Variants in KCNMB4 observed in about 807,000 individuals in gnomAD.
The protein encoded by KCNMB4 is calcium-activated potassium channel subunit beta-4.
KCNMB4 carries 3 observed loss-of-function variants against 20.7 expected under a neutral mutation model. The observed-to-expected ratio is 0.14, with a 90% confidence interval of 0.07 to 0.37. KCNMB4 has a LOEUF of 0.37. KCNMB4 is among the 10% of genes least tolerant of loss of function. The pLI, the probability that KCNMB4 is intolerant of heterozygous loss-of-function variation, is 1.00. For synonymous variants in KCNMB4, 110 were observed against 113.4 expected (o/e 0.97, Z 0.19); for missense variants, 168 against 265.9 (o/e 0.63, Z 2.56).
intron 2 of KCNMB4, among the ~76,000 whole-genome samples, chr12:70,414,161 G>A (rs1868856983): frequency 6.6e-6 from 1 of 152,104 alleles, no homozygotes; most frequent in Non-Finnish European, 1.5e-5. Context: ...GAACCCGGGA[G>A]GCAGAGATTG....
intron 1 of KCNMB4, among the ~76,000 whole-genome samples, chr12:70,381,135 G>A (rs1441293284): frequency 6.6e-6 from 1 of 151,202 alleles, no homozygotes; most frequent in East Asian, 1.9e-4. Context: ...TGGCCAATGA[G>A]CACATGAAAA....
chr12:70,430,174 GGAT>G (rs748239352), intron 2 of KCNMB4, among the ~76,000 whole-genome samples: 65 of 152,090 alleles, frequency 4.3e-4, no homozygotes, highest in Non-Finnish European at 8.2e-4. Context: ...GGACATTAGA[GGAT>G]GAATGAGAAA....
At chr12:70,367,137 C>T in intron 1 of KCNMB4, 67 bp downstream of exon 1, 1 of 1,301,096 alleles carries the variant, frequency 7.7e-7, no homozygotes, top group East Asian at 2.4e-5. Context: ...CGGTGTTAGA[C>T]TCCGCGCGGG....
chr12:70,403,152 G>GT (rs11451441), intron 2 of KCNMB4, among the ~76,000 whole-genome samples: 110,871 of 151,898 alleles, frequency 0.73, 41,160 homozygotes, highest in East Asian at 0.94. Flanking sequence ...CAATGAAAAG[G>GT]TTGTCTCCCA....
chr12:70,383,240 C>T (rs1358081112), intron 1 of KCNMB4, among the ~76,000 whole-genome samples: 3 of 152,054 alleles, frequency 2.0e-5, no homozygotes, highest in South Asian at 2.1e-4. Flanking sequence ...CAAAACATCA[C>T]GTTATATACC....
chr12:70,402,673 AAAGG>A (rs1174074593), intron 2 of KCNMB4, among the ~76,000 whole-genome samples: 2 of 151,222 alleles, frequency 1.3e-5, no homozygotes, highest in Non-Finnish European at 2.9e-5. Flanking sequence ...AAAAAAAAAA[AAAGG>A]AAGAAAGAAA....
At chr12:70,386,471 G>A (rs1023652552) in intron 1 of KCNMB4, among the ~76,000 whole-genome samples, 2 of 151,812 alleles carry the variant, frequency 1.3e-5, no homozygotes, top group Non-Finnish European at 2.9e-5. Context: ...ACCAAGATAG[G>A]CAAAGATCAT....
chr12:70,381,743 G>C (rs1883789772), intron 1 of KCNMB4, among the ~76,000 whole-genome samples: 1 of 152,206 alleles, frequency 6.6e-6, no homozygotes, highest in Non-Finnish European at 1.5e-5. Flanking sequence ...GGGAATGACA[G>C]CTAAAGGGTA....
chr12:70,384,649 TC>T (rs1883854868), intron 1 of KCNMB4, among the ~76,000 whole-genome samples: 1 of 151,994 alleles, frequency 6.6e-6, no homozygotes, highest in South Asian at 2.1e-4. Context: ...CTTTCAGAAG[TC>T]AAGGTGAAAA....
At chr12:70,420,565 C>A (rs1182168879) in intron 2 of KCNMB4, among the ~76,000 whole-genome samples, 1 of 152,120 alleles carries the variant, frequency 6.6e-6, no homozygotes, top group Non-Finnish European at 1.5e-5. Context: ...AGGAACACAG[C>A]CCTGCTGACA....
chr12:70,378,434 A>C (rs1883726048), intron 1 of KCNMB4, among the ~76,000 whole-genome samples: 1 of 152,222 alleles, frequency 6.6e-6, no homozygotes, highest in African/African-American at 2.4e-5. Flanking sequence ...AATGGCATCA[A>C]ATTGTTGAAT....
At chr12:70,418,189 A>G (rs965920792) in intron 2 of KCNMB4, among the ~76,000 whole-genome samples, 2 of 152,114 alleles carry the variant, frequency 1.3e-5, no homozygotes, top group African/African-American at 4.8e-5. Context: ...CCAGCCTTAC[A>G]GACACCCAAT....
chr12:70,400,118 T>C, intron 1 of KCNMB4, 91 bp from the exon 2 acceptor site: 1 of 988,372 alleles, frequency 1.0e-6, no homozygotes, highest in Non-Finnish European at 1.4e-6. Context: ...TTAGATTTAC[T>C]GTCTTTATAA....
chr12:70,388,201 C>T (rs1170971786), intron 1 of KCNMB4, among the ~76,000 whole-genome samples: 1 of 151,952 alleles, frequency 6.6e-6, no homozygotes, highest in Admixed American at 6.6e-5. Context: ...TATATATGTA[C>T]CCCATTTTCT....
intron 1 of KCNMB4, among the ~76,000 whole-genome samples, chr12:70,379,591 A>AT (rs2136118738): frequency 6.6e-6 from 1 of 152,086 alleles, no homozygotes; most frequent in East Asian, 1.9e-4. Flanking sequence ...TAATGTTTGT[A>AT]TTTTTTGTAG....
chr12:70,387,402 T>G (rs1440080225), intron 1 of KCNMB4, among the ~76,000 whole-genome samples: 3 of 138,052 alleles, frequency 2.2e-5, no homozygotes, highest in Admixed American at 2.1e-4. Flanking sequence ...TTTTTAATTT[T>G]TTTTTTTTTT....
intron 1 of KCNMB4, among the ~76,000 whole-genome samples, chr12:70,380,042 G>A (rs1883756763): frequency 6.6e-6 from 1 of 152,192 alleles, no homozygotes; most frequent in African/African-American, 2.4e-5. Context: ...CTACCTTTCA[G>A]CCTGTCTCAG....
At chr12:70,390,175 G>A (rs1593330084) in intron 1 of KCNMB4, among the ~76,000 whole-genome samples, 3 of 152,194 alleles carry the variant, frequency 2.0e-5, no homozygotes, top group Admixed American at 2.0e-4. Flanking sequence ...TATTCCTTGG[G>A]GTCTGTATAT....
chr12:70,376,605 C>G (rs773825590), intron 1 of KCNMB4, among the ~76,000 whole-genome samples: 1 of 151,932 alleles, frequency 6.6e-6, no homozygotes, highest in Admixed American at 6.6e-5. Context: ...TGATGTCTCA[C>G]GCCTGTAATC....
Sources: gnomAD v4.1 joint callset for allele counts (sites outside exome capture counted in the v4.1 genomes callset) on GRCh38, gnomAD v4.1.1 for gene constraint, MANE v1.5 for transcripts, NCBI Gene and HGNC (gene_info 2026-07-23, HGNC 2026-07-21) for gene names.